The following TMEM87A variants were observed in gnomAD, a reference collection of about 807,000 sequenced individuals.
The protein encoded by TMEM87A is Golgi-pH regulating cation channel.
In TMEM87A, 50 loss-of-function variants were observed where a neutral mutation model predicts 90.0. That is an observed-to-expected ratio of 0.56 (90% confidence interval 0.44 to 0.70). The LOEUF is 0.70. TMEM87A is among the 30% of genes least tolerant of loss of function. The pLI is 0.00. For missense variants in TMEM87A, 577 were observed against 660.5 expected (o/e 0.87, Z 1.39); for synonymous variants, 226 against 226.7 (o/e 1.00, Z 0.03).
chr15:42,246,660 A>G (rs1259975467), intron 6 of TMEM87A, among the ~76,000 whole-genome samples: 2 of 152,194 alleles, frequency 1.3e-5, no homozygotes, highest in African/African-American at 4.8e-5. Context: ...TCCATGGTGT[A>G]TATGTGCCAC....
At chr15:42,213,662 CTGAT>C (rs2050332596) in intron 19 of TMEM87A, among the ~76,000 whole-genome samples, 1 of 152,188 alleles carries the variant, frequency 6.6e-6, no homozygotes. Flanking sequence ...GCAAATCCCT[CTGAT>C]TGGGAATACA....
At chr15:42,261,448 T>A (rs182223702) in intron 4 of TMEM87A, among the ~76,000 whole-genome samples, 199 bp from the exon 5 acceptor site, 8 of 152,162 alleles carry the variant, frequency 5.3e-5, no homozygotes, top group East Asian at 3.9e-4. Flanking sequence ...GAAAATAGTA[T>A]CAAACCAAAA....
Position 42,237,625 on chromosome 15 carries a change from A to T in TMEM87A, c.685-10T>A, listed in dbSNP as rs751282714. On this transcript the variant is annotated splice_polypyrimidine_tract_variant and intron_variant, in intron 8 of 19. Coordinates refer to ENST00000389834, the MANE Select transcript of TMEM87A (RefSeq NM_015497.5). Reference sequence around the variant, plus strand: ...ACATCACCATGAAAAACTGTTATCAAATTGGGTAAAAGATAAAAAGGAGAA... The same window carrying T: ...ACATCACCATGAAAAACTGTTATCATATTGGGTAAAAGATAAAAAGGAGAA... 2 of 1,565,840 alleles carry T rather than the reference A, an allele frequency of 1.3e-6. No homozygotes were observed.
intron 2 of TMEM87A, 132 bp downstream of exon 2, chr15:42,271,931 T>G: frequency 1.4e-6 from 1 of 718,942 alleles, no homozygotes; most frequent in Non-Finnish European, 2.3e-6. Context: ...AGGACCTTAG[T>G]AATACTAAAA....
intron 6 of TMEM87A, among the ~76,000 whole-genome samples, chr15:42,260,508 T>C (rs1343560382): frequency 6.6e-6 from 1 of 152,232 alleles, no homozygotes; most frequent in African/African-American, 2.4e-5. Flanking sequence ...TCTAAATTTT[T>C]AACTGGTGAT....
intron 1 of TMEM87A, 86 bp from the exon 2 acceptor site, chr15:42,272,209 C>G: frequency 2.1e-6 from 2 of 965,292 alleles, no homozygotes; most frequent in Non-Finnish European, 3.1e-6. Context: ...CTAGAAATTC[C>G]AACTTAACTT....
intron 2 of TMEM87A, 39 bp downstream of exon 2, chr15:42,272,024 A>T (rs1449589201): frequency 1.3e-6 from 2 of 1,519,712 alleles, no homozygotes; most frequent in East Asian, 2.3e-5. Flanking sequence ...ATAAATTTTT[A>T]AAATTCAAAT....
chr15:42,270,460 G>C (rs911978305), intron 2 of TMEM87A, among the ~76,000 whole-genome samples: 2 of 152,076 alleles, frequency 1.3e-5, no homozygotes, highest in East Asian at 3.9e-4. Context: ...GCTGGGCATA[G>C]AGACTCATGC....
intron 6 of TMEM87A, among the ~76,000 whole-genome samples, chr15:42,259,253 G>A (rs1447997127): frequency 6.6e-6 from 1 of 152,102 alleles, no homozygotes; most frequent in African/African-American, 2.4e-5. Flanking sequence ...CTCCCAAGTA[G>A]CTGGGATTAC....
intron 8 of TMEM87A, among the ~76,000 whole-genome samples, chr15:42,238,749 CTTTTT>C (rs374648537): frequency 8.4e-6 from 1 of 119,600 alleles, no homozygotes; most frequent in Admixed American, 9.0e-5. Context: ...GTGAGACTCT[CTTTTT>C]TTTTTTTTTT....
chr15:42,249,321 T>C (rs146876468), intron 6 of TMEM87A, among the ~76,000 whole-genome samples: 1,639 of 152,342 alleles, frequency 0.011, 31 homozygotes, highest in African/African-American at 0.038. Flanking sequence ...TGTCTTCTAG[T>C]AGCTTTTGAA....
At chr15:42,272,248 A>C in intron 1 of TMEM87A, 125 bp from the exon 2 acceptor site, 1 of 597,500 alleles carries the variant, frequency 1.7e-6, no homozygotes, top group Non-Finnish European at 2.9e-6. Context: ...CCCCTTAATC[A>C]GTTCATTCCC....
At chr15:42,252,862 A>C (rs1445281380) in intron 6 of TMEM87A, among the ~76,000 whole-genome samples, 1 of 152,126 alleles carries the variant, frequency 6.6e-6, no homozygotes, top group African/African-American at 2.4e-5. Flanking sequence ...CATGCCTCAT[A>C]ATTTTCCACT....
intron 6 of TMEM87A, among the ~76,000 whole-genome samples, chr15:42,245,602 G>C (rs2050957446): frequency 7.0e-6 from 1 of 142,050 alleles, no homozygotes; most frequent in African/African-American, 2.7e-5. Flanking sequence ...TTGGCTCACT[G>C]TGACGTCCGC....
chr15:42,228,726 A>G lies in TMEM87A; in HGVS notation c.1226T>C (p.Ile409Thr). Residue 409 changes from isoleucine (I) to threonine (T), a missense_variant, in exon 13 of 20, where the codon ATT becomes ACT. Physicochemically the swap from Ile to Thr is moderately conservative, Grantham distance 89 (BLOSUM62 -1). Coordinates refer to ENST00000389834, the MANE Select transcript of TMEM87A (RefSeq NM_015497.5). Reference protein sequence around the residue: ...SLYRHFTNTLILAVAASIVFI... With the variant: ...SLYRHFTNTLTLAVAASIVFI... Reference sequence around the variant, plus strand: ...CCCAGACTTACCTGCCACTGCCAAAATAAGCGTGTTGGTGAAATGCCGATA... The same window carrying G: ...CCCAGACTTACCTGCCACTGCCAAAGTAAGCGTGTTGGTGAAATGCCGATA... 1 of 1,613,914 alleles carries G rather than the reference A, an allele frequency of 6.2e-7. No individual in the cohort carries two copies. Among genetic ancestry groups the G allele is most frequent in the Non-Finnish European group, 8.5e-7 (1 of 1,179,918 alleles).
In TMEM87A at chr15:42,227,511, AAAAC is replaced by A. The variant is rs984978330; in HGVS notation, c.1299+196_1299+199del. ...CAAAACTGGGAGAATACAGTCAGAA[AAAAC>A]AAACAAAAAACTACTATACCAAGCA... On this transcript the variant is annotated intron_variant, in intron 14 of 19. Coordinates refer to ENST00000389834, the MANE Select transcript of TMEM87A (RefSeq NM_015497.5). 1.5e-5 allele frequency: 7 copies of A among 478,678 alleles called. 1 individual carries two copies. The Admixed American group carries it at 2.2e-4, about 15-fold the overall frequency. 29.7% of individuals were successfully genotyped at this position (478,678 alleles called of 1,614,324 possible).
rs2050801227 is a variant in TMEM87A at position 42,237,787 on chromosome 15, CAA to C, written c.685-174_685-173del. On this transcript the variant is annotated intron_variant, in intron 8 of 19. Coordinates refer to ENST00000389834, the MANE Select transcript of TMEM87A (RefSeq NM_015497.5). Reference sequence around the variant, plus strand: ...AAGCAATCCTCCCATCTCTGCCTCCCAAAGTGTTGGGATTACAGGCATAAGCC... The same window carrying C: ...AAGCAATCCTCCCATCTCTGCCTCCCAGTGTTGGGATTACAGGCATAAGCC... Among the ~76,000 whole-genome samples, 3 of 152,010 alleles carry C rather than the reference CAA, an allele frequency of 2.0e-5. No homozygotes were observed. In the South Asian group the frequency reaches 6.2e-4, roughly 32 times the overall value.
At chr15:42,217,911 G>T in intron 18 of TMEM87A, 78 bp from the exon 19 acceptor site, 2 of 1,381,610 alleles carry the variant, frequency 1.4e-6, no homozygotes, top group Non-Finnish European at 2.0e-6. Context: ...ATGGAATAAT[G>T]CAATTAAAAG....
chr15:42,243,867 T>A (rs1294749875), intron 7 of TMEM87A, among the ~76,000 whole-genome samples, 183 bp downstream of exon 7: 1 of 152,166 alleles, frequency 6.6e-6, no homozygotes, highest in Non-Finnish European at 1.5e-5. Flanking sequence ...GGTGACCAAG[T>A]TTTGACAATT....
Sources: allele counts gnomAD v4.1 joint callset (sites outside exome capture counted in the v4.1 genomes callset), GRCh38; gene constraint gnomAD v4.1.1; transcripts MANE v1.5; gene names NCBI Gene and HGNC (gene_info 2026-07-23, HGNC 2026-07-21).